Variants in EIF2AK2 observed in about 807,000 individuals in gnomAD.
EIF2AK2 encodes interferon-induced, double-stranded RNA-activated protein kinase.
A neutral mutation model predicts 70.5 loss-of-function variants in EIF2AK2; 40 were observed. That is an observed-to-expected ratio of 0.57 (90% confidence interval 0.44 to 0.74). The LOEUF (loss-of-function observed/expected upper bound fraction) is 0.74, where lower values mean the gene tolerates loss of function less well. Ranked by LOEUF, EIF2AK2 falls within the 30% of genes least tolerant of loss-of-function variation. EIF2AK2 has a pLI of 0.00. For missense variants in EIF2AK2, 555 were observed against 644.3 expected (o/e 0.86, Z 1.50); for synonymous variants, 198 against 220.9 (o/e 0.90, Z 0.92).
At chr2:37,146,734 T>C in intron 4 of EIF2AK2, 119 bp downstream of exon 4, 1 of 1,302,144 alleles carries the variant, frequency 7.7e-7, no homozygotes, top group Non-Finnish European at 1.0e-6. Flanking sequence ...TTAACCAAAC[T>C]CTTGAATGTA....
intron 15 of EIF2AK2, among the ~76,000 whole-genome samples, chr2:37,108,168 A>G (rs1311917062): frequency 1.3e-5 from 2 of 151,176 alleles, no homozygotes; most frequent in Admixed American, 1.3e-4. Flanking sequence ...AAAAAAGAGT[A>G]GGATATCCAC....
Position 37,100,587 on chromosome 2 carries a change from CTA to C in EIF2AK2, c.*6684_*6685del, listed in dbSNP as rs1673803694. 6.6e-6 allele frequency: 1 copy of C among 152,198 alleles called. No individual in the cohort carries two copies. Among genetic ancestry groups the C allele is most frequent in the Admixed American group, 6.5e-5 (1 of 15,274 alleles). The allele number at this position is 152,198 out of a possible 1,614,324, so 9.4% of individuals were successfully genotyped here. On this transcript the variant is annotated 3_prime_UTR_variant, in exon 17 of 17. Transcript: ENST00000233057. Reference sequence around the variant, plus strand: ...CAACTGTGATTCCCTTCATCTATGACTATTTTTAAGAAATGTAAGATTTGGAT... The same window carrying C: ...CAACTGTGATTCCCTTCATCTATGACTTTTTAAGAAATGTAAGATTTGGAT...
intron 10 of EIF2AK2, among the ~76,000 whole-genome samples, chr2:37,126,678 C>T (rs546871089): frequency 3.4e-4 from 51 of 152,142 alleles, no homozygotes; most frequent in African/African-American, 1.2e-3. Context: ...ATGATAAGTC[C>T]AGGTGCCATG....
chr2:37,151,038 G>C lies in EIF2AK2; in HGVS notation c.-183-2015C>G, dbSNP rs376763555. Among the ~76,000 whole-genome samples, 7 of 152,208 alleles carry C rather than the reference G, an allele frequency of 4.6e-5. No homozygotes were observed. The East Asian group carries it at 1.3e-3, about 29-fold the overall frequency. On this transcript the variant is annotated intron_variant, in intron 1 of 16. Transcript: ENST00000233057. ...GGAGATCTTCATGACTTTGGATTTG[G>C]TGATAAAATTTTAGCTATGACAGCA...
chr2:37,113,223 T>A (rs1674218426), intron 14 of EIF2AK2, among the ~76,000 whole-genome samples: 1 of 152,124 alleles, frequency 6.6e-6, no homozygotes, highest in Non-Finnish European at 1.5e-5. Flanking sequence ...GTGCTGGGTT[T>A]GGTGGCTCAC....
chr2:37,136,967 G>A lies in EIF2AK2; in HGVS notation c.722+16C>T, dbSNP rs781546926. 6.3e-7 allele frequency: 1 copy of A among 1,597,808 alleles called. No homozygotes were observed. Among genetic ancestry groups the A allele is most frequent in the Non-Finnish European group, 8.5e-7 (1 of 1,173,546 alleles). On this transcript the variant is annotated intron_variant, in intron 9 of 16. Coordinates refer to ENST00000233057, the MANE Select transcript of EIF2AK2 (RefSeq NM_001135651.3). ...AACTTCAGATCAAAATATGTTCAAT[G>A]CATAATGATACTCACCTTTTTGCCT... is the stretch of plus-strand genomic sequence containing the variant.
intron 10 of EIF2AK2, among the ~76,000 whole-genome samples, chr2:37,133,503 G>A (rs1365439906): frequency 6.6e-6 from 1 of 152,040 alleles, no homozygotes; most frequent in Non-Finnish European, 1.5e-5. Context: ...AAATGGAAGG[G>A]GCCTTACCAG....
In EIF2AK2 at chr2:37,156,974, C is replaced by T. The variant is rs552733788; in HGVS notation, c.-250G>A. On this transcript the variant is annotated 5_prime_UTR_variant, in exon 1 of 17. Coordinates refer to ENST00000233057, the MANE Select transcript of EIF2AK2 (RefSeq NM_001135651.3). ...CCGCGGCTTCGGGAGAGCTGGTTCTCAGTTTCGTTTTCCCCTTGGACTCCG... is the reference window on the plus strand; with the variant it reads ...CCGCGGCTTCGGGAGAGCTGGTTCTTAGTTTCGTTTTCCCCTTGGACTCCG... 3 of 184,326 alleles carry T rather than the reference C, an allele frequency of 1.6e-5. No individual in the cohort carries two copies. In the South Asian group the frequency reaches 3.6e-4, roughly 22 times the overall value. The allele number at this position is 184,326 out of a possible 1,614,324, so 11.4% of individuals were successfully genotyped here. A position where few individuals can be genotyped will look rare whatever the true frequency, so the allele number is the denominator to read the frequency against.
In EIF2AK2 at chr2:37,155,196, C is replaced by A. The variant is rs182654936; in HGVS notation, c.-184+1712G>T. ...TAAAATGCCCTTGACTCTATTCCTTCTGCTGTCTTGGCCTGGTCAATTTCT... is the reference window on the plus strand; with the variant it reads ...TAAAATGCCCTTGACTCTATTCCTTATGCTGTCTTGGCCTGGTCAATTTCT... On this transcript the variant is annotated intron_variant, in intron 1 of 16. Transcript: ENST00000233057. 5.9e-5 allele frequency among the ~76,000 whole-genome samples: 9 copies of A among 152,298 alleles called. No individual in the cohort carries two copies. In the East Asian group the frequency reaches 1.7e-3, roughly 29 times the overall value.
At position 37,147,646 on chromosome 2, in the gene EIF2AK2, T is replaced by C. The variant is rs749205597; in HGVS notation, c.119+42A>G. 1.8e-5 allele frequency: 24 copies of C among 1,334,040 alleles called. No homozygotes were observed. The highest frequency in any genetic ancestry group is 2.4e-5 in the Non-Finnish European group (22 of 930,956). 82.6% of individuals were successfully genotyped at this position (1,334,040 alleles called of 1,614,324 possible). A position where few individuals can be genotyped will look rare whatever the true frequency, so the allele number is the denominator to read the frequency against. ...TGTCCCTACAAAGGACATGAACTCATCATTTTTTATGGCTGCCATATCATT... is the reference window on the plus strand; with the variant it reads ...TGTCCCTACAAAGGACATGAACTCACCATTTTTTATGGCTGCCATATCATT... On this transcript the variant is annotated intron_variant, in intron 3 of 16. Coordinates refer to ENST00000233057, the MANE Select transcript of EIF2AK2 (RefSeq NM_001135651.3).
intron 10 of EIF2AK2, among the ~76,000 whole-genome samples, chr2:37,126,994 A>C (rs1674759925): frequency 4.1e-5 from 5 of 120,882 alleles, no homozygotes; most frequent in Middle Eastern, 4.1e-3. Flanking sequence ...AAAAAAAAAA[A>C]AAAAAAGCCA....
At chr2:37,150,139 G>A (rs1453374768) in intron 1 of EIF2AK2, among the ~76,000 whole-genome samples, 28 of 120,896 alleles carry the variant, frequency 2.3e-4, no homozygotes, top group Admixed American at 1.8e-3. Context: ...AGGAAGTGAC[G>A]GTAAAAAAAA....
intron 12 of EIF2AK2, 65 bp from the exon 13 acceptor site, chr2:37,120,204 T>C: frequency 9.3e-7 from 1 of 1,071,712 alleles, no homozygotes; most frequent in Non-Finnish European, 1.2e-6. Flanking sequence ...AAATTTTTTA[T>C]AACTTTTTAA....
rs535589136 is a variant in EIF2AK2 at position 37,101,064 on chromosome 2, T to C, written c.*6209A>G. The C allele has an allele frequency of 6.6e-5, 10 of 152,362 alleles. No homozygotes were observed. The highest frequency in any genetic ancestry group is 2.4e-4 in the African/African-American group (10 of 41,586). 9.4% of individuals were successfully genotyped at this position (152,362 alleles called of 1,614,324 possible). On this transcript the variant is annotated 3_prime_UTR_variant, in exon 17 of 17. Coordinates refer to ENST00000233057, the MANE Select transcript of EIF2AK2 (RefSeq NM_001135651.3). ...TCCCCACATCCAATTAGTTGCCAAC[T>C]CCTCTTGGTTCTGTCCTCTTATTGT...
At chr2:37,130,681 A>G (rs1674909641) in intron 10 of EIF2AK2, among the ~76,000 whole-genome samples, 1 of 152,208 alleles carries the variant, frequency 6.6e-6, no homozygotes, top group Non-Finnish European at 1.5e-5. Flanking sequence ...TGACGCTGAC[A>G]CAGGCTACTC....
chr2:37,150,863 C>G (rs1240460105), intron 1 of EIF2AK2, among the ~76,000 whole-genome samples: 1 of 152,140 alleles, frequency 6.6e-6, no homozygotes, highest in Non-Finnish European at 1.5e-5. Context: ...AATTTTAGGA[C>G]AATTTAACCA....
At chr2:37,125,781 G>A (rs1468467264) in intron 11 of EIF2AK2, among the ~76,000 whole-genome samples, 2 of 152,298 alleles carry the variant, frequency 1.3e-5, no homozygotes, top group Non-Finnish European at 2.9e-5. Context: ...ACAATAAATT[G>A]CTGTTTTTAA....
intron 13 of EIF2AK2, among the ~76,000 whole-genome samples, chr2:37,117,590 T>C (rs537750008): frequency 1.3e-5 from 2 of 152,214 alleles, no homozygotes; most frequent in Admixed American, 6.5e-5. Context: ...AGTTATAATA[T>C]GATTAGACAA....
At chr2:37,141,771 C>T in intron 4 of EIF2AK2, 70 bp from the exon 5 acceptor site, 2 of 1,432,064 alleles carry the variant, frequency 1.4e-6, no homozygotes, top group Non-Finnish European at 1.9e-6. Context: ...AATCATTCTT[C>T]TAATAAAATT....
Sources: allele counts gnomAD v4.1 joint callset (sites outside exome capture counted in the v4.1 genomes callset), GRCh38; gene constraint gnomAD v4.1.1; transcripts MANE v1.5; gene names NCBI Gene and HGNC (gene_info 2026-07-23, HGNC 2026-07-21).